Variants in FRYL observed in about 807,000 individuals in gnomAD.
FRYL encodes the protein protein furry homolog-like.
Under a neutral mutation model 351.2 loss-of-function variants are expected in FRYL, and 150 were observed. The observed-to-expected ratio is 0.43, with a 90% CI of 0.37 to 0.49. The LOEUF is 0.49. Ranked by LOEUF, FRYL falls within the 20% of genes least tolerant of loss-of-function variation. The pLI, the probability that FRYL is intolerant of heterozygous loss-of-function variation, is 0.00. For synonymous variants in FRYL, 1,153 were observed against 1,257.1 expected (o/e 0.92, Z 1.75); for missense variants, 3,036 against 3,619.3 (o/e 0.84, Z 4.13).
Position 48,534,611 on chromosome 4 carries a change from G to A in FRYL, c.6639C>T (p.Asp2213=). Reference sequence around the variant, plus strand: ...ACTGCTTGGCTGGGGCTGCAGACAGGTCAATATGACTCAATAGACTATAAA... The same window carrying A: ...ACTGCTTGGCTGGGGCTGCAGACAGATCAATATGACTCAATAGACTATAAA... ...QIIYSLLSHI[D]LSAAPAKQFN... The change falls in exon 49 of 64, where the codon GAC becomes GAT. Residue 2213 remains aspartate, a synonymous_variant. Coordinates refer to ENST00000358350, the MANE Select transcript of FRYL (RefSeq NM_015030.2). 2.5e-6 allele frequency: 4 copies of A among 1,607,952 alleles called. No homozygotes were observed. The highest frequency in any genetic ancestry group is 3.4e-6 in the Non-Finnish European group (4 of 1,174,660).
intron 18 of FRYL, among the ~76,000 whole-genome samples, chr4:48,587,128 C>T (rs144172343): frequency 6.6e-6 from 1 of 151,886 alleles, no homozygotes; most frequent in African/African-American, 2.4e-5. Flanking sequence ...TTTTGAGGGG[C>T]CTATAAAATT....
chr4:48,535,930 A>G, intron 47 of FRYL, 103 bp from the exon 48 acceptor site: 1 of 916,128 alleles, frequency 1.1e-6, no homozygotes, highest in Non-Finnish European at 1.5e-6. Context: ...TTAGATGTAT[A>G]TTGGTTTTAA....
intron 32 of FRYL, among the ~76,000 whole-genome samples, chr4:48,562,463 G>T (rs1051497817): frequency 6.6e-6 from 1 of 152,130 alleles, no homozygotes; most frequent in African/African-American, 2.4e-5. Flanking sequence ...TCCGTGTTTG[G>T]TAAGTTAACT....
rs781430421 is a variant in FRYL, at chr4:48,500,227, C to G, written c.8593-7G>C. On this transcript the variant is annotated splice_polypyrimidine_tract_variant and splice_region_variant and intron_variant, in intron 62 of 63. Coordinates refer to ENST00000358350, the MANE Select transcript of FRYL (RefSeq NM_015030.2). The stretch of plus-strand genomic sequence containing the variant: ...CCTCTGACATGTTGATGACCTAAAA[C>G]AAATACATCTTTAAGGATCTATTCG... 5 of 1,546,018 alleles carry G rather than the reference C, an allele frequency of 3.2e-6. No individual in the cohort carries two copies. The East Asian group carries it at 1.2e-4, about 36-fold the overall frequency.
chr4:48,504,358 T>C (rs1325613217), intron 60 of FRYL, among the ~76,000 whole-genome samples: 41 of 152,104 alleles, frequency 2.7e-4, no homozygotes, highest in Non-Finnish European at 2.6e-4. Context: ...CCTCAAGCTA[T>C]GTTAACTGAC....
rs777964016 is a variant in FRYL, at chr4:48,634,277, T to G, written c.120+14A>C. The G allele has an allele frequency of 7.6e-6, 12 of 1,587,216 alleles. No homozygotes were observed. In the South Asian group the frequency reaches 1.3e-4, roughly 18 times the overall value. ...CAAGAAAATATTTCAGATTTATAGGTCAGCTGTACTCACCAAGGGTTCGGC... is the reference window on the plus strand; with the variant it reads ...CAAGAAAATATTTCAGATTTATAGGGCAGCTGTACTCACCAAGGGTTCGGC... On this transcript the variant is annotated intron_variant, in intron 4 of 63. Transcript: ENST00000358350.
intron 1 of FRYL, among the ~76,000 whole-genome samples, chr4:48,765,652 A>C (rs760248169): frequency 1.3e-5 from 2 of 152,184 alleles, no homozygotes; most frequent in Non-Finnish European, 2.9e-5. Flanking sequence ...AAGTGGGACT[A>C]TGTCAAACTA....
intron 42 of FRYL, 72 bp from the exon 43 acceptor site, chr4:48,544,976 A>G (rs1441436973): frequency 2.7e-6 from 4 of 1,463,064 alleles, no homozygotes; most frequent in Non-Finnish European, 3.7e-6. Flanking sequence ...ACACTTGCCT[A>G]AATTACACCT....
intron 1 of FRYL, among the ~76,000 whole-genome samples, chr4:48,751,641 A>T (rs1435755351): frequency 2.6e-5 from 4 of 152,156 alleles, no homozygotes; most frequent in Non-Finnish European, 5.9e-5. Flanking sequence ...TCCCATTAAC[A>T]CAGAAAACTA....
Position 48,761,012 on chromosome 4 carries a change from T to C in FRYL, c.-384+19066A>G, listed in dbSNP as rs1339112360. 3.6e-5 allele frequency among the ~76,000 whole-genome samples: 3 copies of C among 83,166 alleles called. No homozygotes were observed. The East Asian group carries it at 1.1e-3, about 29-fold the overall frequency. The allele number at this position is 83,166 out of a possible 152,430, so 54.6% of individuals were successfully genotyped here. A position where few individuals can be genotyped will look rare whatever the true frequency, so the allele number is the denominator to read the frequency against. On this transcript the variant is annotated intron_variant, in intron 1 of 63. Transcript: ENST00000358350. ...ACTCTCTATTATTACTCTGTCTGTG[T>C]GTGTGTGTGTGTGTGTGTGTGTGTG...
intron 59 of FRYL, among the ~76,000 whole-genome samples, chr4:48,508,463 A>G (rs1447546239): frequency 1.3e-5 from 2 of 152,222 alleles, no homozygotes; most frequent in East Asian, 1.9e-4. Flanking sequence ...GAGGTACAGC[A>G]TATCTTTAGA....
At chr4:48,709,038 C>T (rs1767721813) in intron 2 of FRYL, among the ~76,000 whole-genome samples, 1 of 151,938 alleles carries the variant, frequency 6.6e-6, no homozygotes, top group Admixed American at 6.6e-5. Context: ...TCTCCTGCCT[C>T]AGCCTCCCGA....
At chr4:48,544,759 AC>A in intron 43 of FRYL, 23 bp downstream of exon 43, 2 of 1,554,912 alleles carry the variant, frequency 1.3e-6, no homozygotes, top group Non-Finnish European at 1.7e-6. Context: ...TGTCACTAAA[AC>A]TAAAATATTT....
At chr4:48,694,612 A>T (rs1177061133) in intron 2 of FRYL, among the ~76,000 whole-genome samples, 1 of 152,212 alleles carries the variant, frequency 6.6e-6, no homozygotes, top group Non-Finnish European at 1.5e-5. Context: ...TACATTTTTT[A>T]AAACCCAGTA....
At chr4:48,744,195 G>A (rs1004229001) in intron 1 of FRYL, among the ~76,000 whole-genome samples, 1 of 152,092 alleles carries the variant, frequency 6.6e-6, no homozygotes, top group African/African-American at 2.4e-5. Context: ...TTTTGGGGGT[G>A]ATATAAATGG....
intron 44 of FRYL, among the ~76,000 whole-genome samples, chr4:48,543,253 CTTA>C (rs1033836508): frequency 9.2e-5 from 14 of 152,072 alleles, no homozygotes; most frequent in African/African-American, 3.1e-4. Flanking sequence ...CTCCTTTAAT[CTTA>C]TTATCTTATT....
chr4:48,739,196 T>C (rs898959584), intron 1 of FRYL, among the ~76,000 whole-genome samples: 11 of 152,148 alleles, frequency 7.2e-5, no homozygotes, highest in African/African-American at 2.6e-4. Flanking sequence ...AGGCCAGGCG[T>C]TGAAGACCAG....
At position 48,567,203 on chromosome 4, in the gene FRYL, G is replaced by T. The variant is rs775980208; in HGVS notation, c.3169+45C>A. Reference sequence around the variant, plus strand: ...ACCTCAAGGAAAGAAAAAATATGACGGTTCCTTAATACTCAATAATGCTTT... The same window carrying T: ...ACCTCAAGGAAAGAAAAAATATGACTGTTCCTTAATACTCAATAATGCTTT... On this transcript the variant is annotated intron_variant, in intron 28 of 63. Transcript: ENST00000358350. The surrounding 1 kb of genome is among the most constrained non-coding windows in gnomAD (Gnocchi z 4.2). The T allele has an allele frequency of 2.7e-6, 4 of 1,464,158 alleles. No individual in the cohort carries two copies. Among genetic ancestry groups the T allele is most frequent in the Non-Finnish European group, 9.2e-7 (1 of 1,083,030 alleles). The allele number at this position is 1,464,158 out of a possible 1,614,324, so 90.7% of individuals were successfully genotyped here. A position where few individuals can be genotyped will look rare whatever the true frequency, so the allele number is the denominator to read the frequency against.
At chr4:48,612,563 T>A (rs1235169352) in intron 7 of FRYL, among the ~76,000 whole-genome samples, 2 of 151,956 alleles carry the variant, frequency 1.3e-5, no homozygotes, top group African/African-American at 4.8e-5. Context: ...AGTATATTGT[T>A]ACAACTGTTC....
Sources: gnomAD v4.1 joint callset for allele counts (sites outside exome capture counted in the v4.1 genomes callset) on GRCh38, gnomAD v4.1.1 for gene constraint, Gnocchi (gnomAD v3.1) non-coding constraint, MANE v1.5 for transcripts, NCBI Gene and HGNC (gene_info 2026-07-23, HGNC 2026-07-21) for gene names.